Variants in SGCZ observed in about 807,000 individuals in gnomAD.
The protein encoded by SGCZ is sarcoglycan zeta.
Under a neutral mutation model 41.3 loss-of-function variants are expected in SGCZ, and 40 were observed. That is an observed-to-expected ratio of 0.97 (90% CI 0.75 to 1.26). The LOEUF is 1.26. Among genes scored for constraint, SGCZ ranks in the 50% most tolerant of loss-of-function variants. SGCZ has a pLI of 0.00. For missense variants in SGCZ, 552 were observed against 369.8 expected (o/e 1.49, Z -4.04); for synonymous variants, 206 against 137.5 (o/e 1.50, Z -3.49).
chr8:14,756,860 A>G lies in SGCZ; in HGVS notation c.40-201934T>C, dbSNP rs531087695. ...AAATCTCACAAGTTATGAAAAGCCA[A>G]CAGTAAAGAGTATCACAGTGGTAAG... is the stretch of plus-strand genomic sequence containing the variant. On this transcript the variant is annotated intron_variant, in intron 1 of 7. Coordinates refer to ENST00000382080, the MANE Select transcript of SGCZ (RefSeq NM_139167.4). Among the ~76,000 whole-genome samples, 16 of 152,348 alleles carry G rather than the reference A, an allele frequency of 1.1e-4. No individual in the cohort carries two copies. The East Asian group carries it at 2.9e-3, about 28-fold the overall frequency.
chr8:14,459,828 TC>T (rs1800850835), intron 2 of SGCZ, among the ~76,000 whole-genome samples: 1 of 151,994 alleles, frequency 6.6e-6, no homozygotes, highest in African/African-American at 2.4e-5. Context: ...CGCAATATAA[TC>T]AAAAGAAAAC....
At chr8:14,226,303 C>G (rs1806371024) in intron 4 of SGCZ, among the ~76,000 whole-genome samples, 1 of 152,056 alleles carries the variant, frequency 6.6e-6, no homozygotes, top group Non-Finnish European at 1.5e-5. Context: ...CTAACACATG[C>G]AGATTGCTGT....
At chr8:14,299,092 A>C (rs1801107555) in intron 3 of SGCZ, among the ~76,000 whole-genome samples, 1 of 152,070 alleles carries the variant, frequency 6.6e-6, no homozygotes, top group African/African-American at 2.4e-5. Context: ...CAATGGAGAA[A>C]GAAAAGTCTT....
chr8:14,856,698 G>T (rs747149944), intron 1 of SGCZ, among the ~76,000 whole-genome samples: 1 of 152,136 alleles, frequency 6.6e-6, no homozygotes, highest in Non-Finnish European at 1.5e-5. Flanking sequence ...GAGTCACTGG[G>T]CAGGGGGCTT....
At chr8:14,790,928 G>A (rs1157867216) in intron 1 of SGCZ, among the ~76,000 whole-genome samples, 2 of 151,728 alleles carry the variant, frequency 1.3e-5, no homozygotes, top group African/African-American at 4.8e-5. Flanking sequence ...CCACTCGAGT[G>A]GTTAAGGCAG....
chr8:14,405,356 T>C (rs981524806), intron 2 of SGCZ, among the ~76,000 whole-genome samples: 1 of 144,522 alleles, frequency 6.9e-6, no homozygotes, highest in Non-Finnish European at 1.6e-5. Context: ...CCCACTATTA[T>C]TTTTTCTCAC....
intron 7 of SGCZ, among the ~76,000 whole-genome samples, chr8:14,100,099 TTA>T (rs1489039933): frequency 6.6e-6 from 1 of 152,046 alleles, no homozygotes; most frequent in African/African-American, 2.4e-5. Context: ...ATATATATAT[TTA>T]TATGATTTTA....
At chr8:15,068,561 A>G (rs1805236069) in intron 1 of SGCZ, among the ~76,000 whole-genome samples, 1 of 152,218 alleles carries the variant, frequency 6.6e-6, no homozygotes, top group African/African-American at 2.4e-5. Context: ...TGCCAAAAAA[A>G]TATCAAACAG....
intron 2 of SGCZ, among the ~76,000 whole-genome samples, chr8:14,466,879 T>C (rs775887874): frequency 6.6e-6 from 1 of 151,900 alleles, no homozygotes; most frequent in African/African-American, 2.4e-5. Context: ...TATGTCTTCC[T>C]TTAATACTCT....
At chr8:14,378,449 A>G (rs1161913205) in intron 2 of SGCZ, among the ~76,000 whole-genome samples, 1 of 152,216 alleles carries the variant, frequency 6.6e-6, no homozygotes, top group Non-Finnish European at 1.5e-5. Context: ...TAAACTTAAG[A>G]GCTTCTGTAC....
chr8:14,603,234 TAA>T (rs1805649499), intron 1 of SGCZ, among the ~76,000 whole-genome samples: 1 of 152,136 alleles, frequency 6.6e-6, no homozygotes, highest in African/African-American at 2.4e-5. Context: ...CCTTGAAAAT[TAA>T]AGTCACTCAG....
intron 5 of SGCZ, among the ~76,000 whole-genome samples, chr8:14,150,224 G>T (rs988178449): frequency 6.6e-6 from 1 of 151,952 alleles, no homozygotes; most frequent in African/African-American, 2.4e-5. Context: ...AACAAAGTGA[G>T]TCACCAAAGT....
intron 2 of SGCZ, among the ~76,000 whole-genome samples, chr8:14,546,913 T>G (rs915686043): frequency 5.3e-5 from 8 of 152,138 alleles, no homozygotes; most frequent in African/African-American, 1.9e-4. Flanking sequence ...GAAGTTTATT[T>G]AATTTCCCTA....
At chr8:14,293,417 G>T (rs973064636) in intron 3 of SGCZ, among the ~76,000 whole-genome samples, 2 of 151,916 alleles carry the variant, frequency 1.3e-5, no homozygotes, top group Non-Finnish European at 2.9e-5. Flanking sequence ...AAATTCCAAT[G>T]GTCAAACTAA....
intron 1 of SGCZ, among the ~76,000 whole-genome samples, chr8:14,834,446 G>A (rs537829878): frequency 1.3e-5 from 2 of 152,076 alleles, no homozygotes; most frequent in African/African-American, 2.4e-5. Flanking sequence ...CATGTTAATC[G>A]CAGACTGAAT....
At chr8:14,855,417 C>A (rs1803512610) in intron 1 of SGCZ, among the ~76,000 whole-genome samples, 2 of 152,112 alleles carry the variant, frequency 1.3e-5, no homozygotes, top group South Asian at 4.1e-4. Flanking sequence ...CTAGCCCATT[C>A]TGATTTATGC....
intron 1 of SGCZ, among the ~76,000 whole-genome samples, chr8:14,879,992 C>T (rs1037651222): frequency 5.3e-5 from 8 of 152,046 alleles, no homozygotes; most frequent in African/African-American, 1.9e-4. Flanking sequence ...AGGTTTGCAC[C>T]ACCACACCCG....
At chr8:14,940,377 TA>T (rs1800230696) in intron 1 of SGCZ, among the ~76,000 whole-genome samples, 1 of 152,124 alleles carries the variant, frequency 6.6e-6, no homozygotes. Context: ...GCCAATGATC[TA>T]AATAGACTTA....
intron 4 of SGCZ, among the ~76,000 whole-genome samples, chr8:14,206,807 T>C (rs949142400): frequency 1.3e-5 from 2 of 152,184 alleles, no homozygotes; most frequent in African/African-American, 4.8e-5. Flanking sequence ...TCTCTAGCCC[T>C]ATCTCTGTCA....
Sources: allele counts gnomAD v4.1 joint callset (sites outside exome capture counted in the v4.1 genomes callset), GRCh38; gene constraint gnomAD v4.1.1; transcripts MANE v1.5; gene names NCBI Gene and HGNC (gene_info 2026-07-23, HGNC 2026-07-21).